Variants in PI4KA observed in about 807,000 individuals in gnomAD.
The protein encoded by PI4KA is phosphatidylinositol 4-kinase alpha.
Under a neutral mutation model 271.4 loss-of-function variants are expected in PI4KA, and 122 were observed. The observed-to-expected ratio is 0.45, with a 90% CI of 0.39 to 0.52. The LOEUF (loss-of-function observed/expected upper bound fraction) is 0.52. Among genes scored for constraint, PI4KA ranks in the 20% least tolerant of loss-of-function variants. The pLI is 0.00. For synonymous variants in PI4KA, 1,041 were observed against 1,078.8 expected (o/e 0.96, Z 0.69); for missense variants, 1,969 against 2,769.1 (o/e 0.71, Z 6.48).
intron 19 of PI4KA, among the ~76,000 whole-genome samples, chr22:20,769,621 A>AT (rs1252727315): frequency 6.6e-6 from 1 of 150,518 alleles, no homozygotes; most frequent in Non-Finnish European, 1.5e-5. Flanking sequence ...GTGAGCCAAG[A>AT]TTGCGCCACT....
At chr22:20,751,092 G>A (rs1264956468) in intron 27 of PI4KA, among the ~76,000 whole-genome samples, 1 of 151,956 alleles carries the variant, frequency 6.6e-6, no homozygotes, top group Non-Finnish European at 1.5e-5. Context: ...AAGACAGAGC[G>A]ACCTGGGGGC....
intron 36 of PI4KA, among the ~76,000 whole-genome samples, chr22:20,732,395 T>G (rs1601356703): frequency 6.6e-6 from 1 of 152,096 alleles, no homozygotes; most frequent in Non-Finnish European, 1.5e-5. Context: ...GTTTGCTGCT[T>G]CTTTGCGTGG....
rs979857964 is a variant in PI4KA, at chr22:20,745,411, G to A, written c.3364-691C>T. Among the ~76,000 whole-genome samples, 4 of 152,080 alleles carry A rather than the reference G, an allele frequency of 2.6e-5. 1 individual carries two copies. The highest frequency in any genetic ancestry group is 4.1e-4 in the South Asian group (2 of 4,828). On this transcript the variant is annotated intron_variant, in intron 29 of 54. Transcript: ENST00000255882. ...CATGCATTGAAAAGGACCTCCTTTC[G>A]CATTTCCCTTTAGCATCAGTACTAA...
chr22:20,836,969 T>C lies in PI4KA; in HGVS notation c.273+1646A>G, dbSNP rs183044232. ...AAAGATATTATCAAGTAATCCACAT[T>C]TGAACAACAATAGTTTCTTATAAAT... On this transcript the variant is annotated intron_variant, in intron 2 of 54. Coordinates refer to ENST00000255882, the MANE Select transcript of PI4KA (RefSeq NM_058004.4). Among the ~76,000 whole-genome samples the C allele has an allele frequency of 1.2e-3, 184 of 152,354 alleles. 1 individual carries two copies. The highest frequency in any genetic ancestry group is 3.4e-3 in the Middle Eastern group (1 of 294).
chr22:20,755,803 TAAAAA>T (rs771767684), intron 23 of PI4KA, among the ~76,000 whole-genome samples: 4 of 93,634 alleles, frequency 4.3e-5, no homozygotes, highest in African/African-American at 1.6e-4. Flanking sequence ...CACTGTCACA[TAAAAA>T]AAAAAAAAAG....
At chr22:20,766,931 A>G (rs1159922865) in intron 19 of PI4KA, among the ~76,000 whole-genome samples, 1 of 152,194 alleles carries the variant, frequency 6.6e-6, no homozygotes, top group Non-Finnish European at 1.5e-5. Flanking sequence ...GCAGGACTGT[A>G]AACTGTCACA....
At chr22:20,852,319 G>GC (rs1569103569) in intron 1 of PI4KA, among the ~76,000 whole-genome samples, 1 of 152,106 alleles carries the variant, frequency 6.6e-6, no homozygotes, top group African/African-American at 2.4e-5. Context: ...GAACATTTCT[G>GC]CCCCCTGGGG....
intron 43 of PI4KA, among the ~76,000 whole-genome samples, chr22:20,720,253 C>G (rs915305048): frequency 6.6e-6 from 1 of 152,072 alleles, no homozygotes; most frequent in East Asian, 1.9e-4. Flanking sequence ...AGTTTACTGC[C>G]AAGTTTAAGA....
chr22:20,742,735 G>A lies in PI4KA; in HGVS notation c.3486C>T (p.Thr1162=). 6.2e-7 allele frequency: 1 copy of A among 1,614,012 alleles called. No individual in the cohort carries two copies. The highest frequency in any genetic ancestry group is 8.5e-7 in the Non-Finnish European group (1 of 1,179,904). ...EVYGMIRFSG[T]TGQMSDLNKM... is the part of the protein sequence containing the mutation. ...TGTTCAGGTCAGACATCTGGCCTGT[G>A]GTGCCTGAGAACCGAATCATTCCAT... Residue 1162 remains threonine (T), a synonymous_variant, in exon 31 of 55, where the codon ACC becomes ACT. Transcript: ENST00000255882.
chr22:20,730,657 G>C (rs1158315760), intron 36 of PI4KA, among the ~76,000 whole-genome samples: 1 of 152,016 alleles, frequency 6.6e-6, no homozygotes, highest in East Asian at 1.9e-4. Flanking sequence ...TGCAACCTCT[G>C]CCTCCCGGGT....
At chr22:20,848,655 C>A (rs1485267960) in intron 1 of PI4KA, among the ~76,000 whole-genome samples, 2 of 152,044 alleles carry the variant, frequency 1.3e-5, no homozygotes, top group African/African-American at 4.8e-5. Context: ...GAAACTGGAC[C>A]CCCATCTCAT....
rs1035361778 is a variant in PI4KA at position 20,765,458 on chromosome 22, T to C, written c.2437+127A>G. On this transcript the variant is annotated intron_variant, in intron 20 of 54. Transcript: ENST00000255882. The stretch of plus-strand genomic sequence containing the variant: ...GGGGACAGTAACACTTGCTAATACT[T>C]GCAGAAAGAAGCAGCTGCATGTGGA... 10 of 773,276 alleles carry C rather than the reference T, an allele frequency of 1.3e-5. No homozygotes were observed. In the African/African-American group the frequency reaches 1.5e-4, roughly 12 times the overall value. The allele number at this position is 773,276 out of a possible 1,614,324, so 47.9% of individuals were successfully genotyped here.
At chr22:20,779,406 G>T in intron 19 of PI4KA, 1 of 1,614,226 alleles carries the variant, frequency 6.2e-7, no homozygotes, top group Middle Eastern at 1.6e-4. Flanking sequence ...AGAGAAAGGA[G>T]GGGAAACTGC....
intron 45 of PI4KA, among the ~76,000 whole-genome samples, chr22:20,715,600 G>T (rs1478707482): frequency 6.7e-6 from 1 of 150,176 alleles, no homozygotes; most frequent in Non-Finnish European, 1.5e-5. Flanking sequence ...TCAGCCTCCC[G>T]AGTAGCTGGA....
At chr22:20,857,977 TGCAAAC>T (rs1927815883) in intron 1 of PI4KA, among the ~76,000 whole-genome samples, 1 of 152,184 alleles carries the variant, frequency 6.6e-6, no homozygotes, top group Admixed American at 6.5e-5. Context: ...CTGTCCCTTC[TGCAAAC>T]GCACAATCTT....
rs3852979 is a variant in PI4KA at position 20,733,858 on chromosome 22, C to G, written c.4053-15G>C. The G allele has an allele frequency of 0.45, 722,965 of 1,611,740 alleles. 164,798 individuals carry two copies. Among genetic ancestry groups the G allele is most frequent in the African/African-American group, 0.57 (42,580 of 74,874 alleles). On this transcript the variant is annotated splice_polypyrimidine_tract_variant and intron_variant, in intron 34 of 54. Transcript: ENST00000255882. ...GGGTCAGCAGCCTGTGAGGGAGCCCCGGACCCAGTTAGAGCAGGAGCCTGG... is the reference window on the plus strand; with the variant it reads ...GGGTCAGCAGCCTGTGAGGGAGCCCGGGACCCAGTTAGAGCAGGAGCCTGG...
At position 20,709,276 on chromosome 22, in the gene PI4KA, CA is replaced by C. The variant is rs1924938115; in HGVS notation, c.6257+19del. 1 of 993,708 alleles carries C rather than the reference CA, an allele frequency of 1.0e-6. No individual in the cohort carries two copies. Among genetic ancestry groups the C allele is most frequent in the Non-Finnish European group, 1.6e-6 (1 of 635,634 alleles). 61.6% of individuals were successfully genotyped at this position (993,708 alleles called of 1,614,324 possible). On this transcript the variant is annotated intron_variant, in intron 54 of 54. Transcript: ENST00000255882. Reference sequence around the variant, plus strand: ...TGGCCACCGAGGCAGTGGGAGAAGGCAGGGGGGCGGGGCACTCACCTGTTGC... The same window carrying C: ...TGGCCACCGAGGCAGTGGGAGAAGGCGGGGGGCGGGGCACTCACCTGTTGC...
At chr22:20,769,583 C>G (rs777131378) in intron 19 of PI4KA, among the ~76,000 whole-genome samples, 1 of 151,556 alleles carries the variant, frequency 6.6e-6, no homozygotes, top group African/African-American at 2.4e-5. Flanking sequence ...GCAGGAGAAT[C>G]GCTTGAAACC....
chr22:20,785,067 C>CCT (rs1555894633), intron 19 of PI4KA, among the ~76,000 whole-genome samples: 4,122 of 134,360 alleles, frequency 0.031, 72 homozygotes, highest in Middle Eastern at 0.058. Flanking sequence ...GGGACTGCAT[C>CCT]TTTTTTTTTT....
Sources: allele counts gnomAD v4.1 joint callset (sites outside exome capture counted in the v4.1 genomes callset), GRCh38; gene constraint gnomAD v4.1.1; transcripts MANE v1.5; gene names NCBI Gene and HGNC (gene_info 2026-07-23, HGNC 2026-07-21).